The following PCLO variants were observed in gnomAD, a reference collection of about 807,000 sequenced individuals.
The protein encoded by PCLO is piccolo presynaptic cytomatrix protein.
A neutral mutation model predicts 427.5 loss-of-function variants in PCLO; 82 were observed. That is an observed-to-expected ratio of 0.19 (90% confidence interval 0.16 to 0.23). PCLO has a LOEUF of 0.23. Among genes scored for constraint, PCLO ranks in the 10% least tolerant of loss-of-function variants. The pLI, the probability that PCLO is intolerant of heterozygous loss-of-function variation, is 1.00. For synonymous variants in PCLO, 2,357 were observed against 2,155.4 expected, an observed-to-expected ratio of 1.09 and a Z score of -2.59; for missense variants, 6,239 against 6,115.9, an observed-to-expected ratio of 1.02 and a Z score of -0.67.
At chr7:82,857,242 A>G (rs1792831744) in intron 10 of PCLO, among the ~76,000 whole-genome samples, 1 of 152,170 alleles carries the variant, frequency 6.6e-6, no homozygotes, top group African/African-American at 2.4e-5. Flanking sequence ...TACTATATGG[A>G]TTGTGTAGAA....
rs770952145 is a variant in PCLO, at chr7:82,953,356, G to A, written c.7597C>T (p.Pro2533Ser). The change falls in exon 5 of 25, where the codon CCA (proline) becomes TCA (serine). Residue 2533 changes from proline to serine, a missense_variant. Physicochemically the swap from Pro to Ser is moderately conservative, Grantham distance 74. Transcript: ENST00000333891. Reference protein sequence around the residue: ...TQKPTDIHPKPTGLSLTSSMT... With the variant: ...TQKPTDIHPKSTGLSLTSSMT... ...CTTGAAGTTAAAGATAGGCCTGTTG[G>A]TTTGGGGTGTATATCTGTTGGTTTT... 6.2e-6 allele frequency: 10 copies of A among 1,613,714 alleles called. No individual in the cohort carries two copies. Among genetic ancestry groups the A allele is most frequent in the African/African-American group, 1.3e-5 (1 of 74,876 alleles).
chr7:82,838,411 T>C (rs1475403625), intron 14 of PCLO, 69 bp from the exon 15 acceptor site: 4 of 905,148 alleles, frequency 4.4e-6, no homozygotes, highest in Non-Finnish European at 6.3e-6. Flanking sequence ...CAATATTTAC[T>C]AGTTTTTTTT....
chr7:82,781,264 A>G (rs1790866288), intron 22 of PCLO, among the ~76,000 whole-genome samples: 2 of 151,984 alleles, frequency 1.3e-5, no homozygotes, highest in South Asian at 2.1e-4. Flanking sequence ...ATTATGACTT[A>G]CAATATAAAG....
intron 3 of PCLO, among the ~76,000 whole-genome samples, chr7:83,052,563 A>T (rs1283751078): frequency 6.6e-6 from 1 of 151,970 alleles, no homozygotes; most frequent in Non-Finnish European, 1.5e-5. Flanking sequence ...TAGTGTCTCA[A>T]ATTATTTTAT....
intron 20 of PCLO, chr7:82,821,558 A>C: frequency 8.2e-6 from 8 of 976,768 alleles, no homozygotes; most frequent in Non-Finnish European, 9.7e-6. Flanking sequence ...GGGTACCTAC[A>C]TTTGTGAAAT....
chr7:83,086,934 T>C (rs1316413092), intron 3 of PCLO, among the ~76,000 whole-genome samples: 2 of 151,644 alleles, frequency 1.3e-5, no homozygotes, highest in African/African-American at 2.4e-5. Context: ...TGGATGAAGG[T>C]GGAAACCATC....
intron 3 of PCLO, among the ~76,000 whole-genome samples, chr7:83,053,279 T>C (rs992725313): frequency 3.6e-5 from 5 of 139,270 alleles, no homozygotes; most frequent in African/African-American, 1.0e-4. Flanking sequence ...GCTGCTCTTA[T>C]AAATAATATG....
chr7:82,895,342 T>C (rs1178396503), intron 9 of PCLO, among the ~76,000 whole-genome samples: 1 of 151,952 alleles, frequency 6.6e-6, no homozygotes, highest in African/African-American at 2.4e-5. Context: ...GGAAAATACA[T>C]AGTTTTAAAT....
chr7:83,001,505 A>AACACCCAC (rs10643233), intron 3 of PCLO, among the ~76,000 whole-genome samples: 42 of 149,148 alleles, frequency 2.8e-4, no homozygotes, highest in African/African-American at 8.3e-4. Flanking sequence ...CACACATACA[A>AACACCCAC]ACACACACAC....
rs78556922 is a variant in PCLO at position 82,821,656 on chromosome 7, A to G, written c.14791+839T>C. On this transcript the variant is annotated intron_variant, in intron 20 of 24. Coordinates refer to ENST00000333891, the MANE Select transcript of PCLO (RefSeq NM_033026.6). The stretch of plus-strand genomic sequence containing the variant: ...AAAATACAGCAGTTAAGATAGGTCA[A>G]TTGTTATACTTTGATTGACTTATAG... The G allele has an allele frequency of 1.6e-3, 1,507 of 971,898 alleles. 12 individuals carry two copies. The African/African-American group carries it at 0.024, about 16-fold the overall frequency. 60.2% of individuals were successfully genotyped at this position (971,898 alleles called of 1,614,324 possible). A position where few individuals can be genotyped will look rare whatever the true frequency, so the allele number is the denominator to read the frequency against.
chr7:82,934,554 C>A (rs1434743521), intron 6 of PCLO, among the ~76,000 whole-genome samples: 1 of 151,636 alleles, frequency 6.6e-6, no homozygotes, highest in Non-Finnish European at 1.5e-5. Context: ...GACTGCTTGA[C>A]AAGTATGTGT....
In PCLO at chr7:82,936,834, T is replaced by C. The variant is rs552907046; in HGVS notation, c.11112+12642A>G. ...TCAACTATTTAAAGAAATAAAGTACTGATACTTGCTACAAAGTAGATGAAC... is the reference window on the plus strand; with the variant it reads ...TCAACTATTTAAAGAAATAAAGTACCGATACTTGCTACAAAGTAGATGAAC... On this transcript the variant is annotated intron_variant, in intron 6 of 24. Transcript: ENST00000333891. Among the ~76,000 whole-genome samples the C allele has an allele frequency of 1.5e-3, 234 of 151,840 alleles. 1 individual carries two copies. The highest frequency in any genetic ancestry group is 5.2e-3 in the African/African-American group (218 of 41,528).
intron 3 of PCLO, among the ~76,000 whole-genome samples, chr7:83,082,067 A>G (rs1437978681): frequency 6.6e-6 from 1 of 151,530 alleles, no homozygotes; most frequent in African/African-American, 2.4e-5. Context: ...TTAAGGTAGT[A>G]ATTTCCTAAG....
At chr7:83,148,742 G>A (rs150323419) in intron 2 of PCLO, among the ~76,000 whole-genome samples, 13 of 148,904 alleles carry the variant, frequency 8.7e-5, no homozygotes, top group South Asian at 2.1e-4. Context: ...TGTTATTTTT[G>A]TTATTGTTTC....
At chr7:83,010,915 G>A (rs1386696693) in intron 3 of PCLO, among the ~76,000 whole-genome samples, 1 of 151,914 alleles carries the variant, frequency 6.6e-6, no homozygotes, top group Non-Finnish European at 1.5e-5. Context: ...CGACCCATAT[G>A]AATACCTGTC....
chr7:82,961,065 A>C (rs2115618688), intron 4 of PCLO, among the ~76,000 whole-genome samples: 1 of 152,298 alleles, frequency 6.6e-6, no homozygotes, highest in South Asian at 2.1e-4. Flanking sequence ...TCATAATATT[A>C]ACCTTATCAA....
intron 10 of PCLO, 97 bp downstream of exon 10, chr7:82,879,240 C>T: frequency 1.9e-6 from 2 of 1,065,522 alleles, no homozygotes; most frequent in Non-Finnish European, 2.6e-6. Context: ...AGAGGTTTAC[C>T]TACACAGAGA....
chr7:83,111,196 C>A (rs1476928874), intron 3 of PCLO, among the ~76,000 whole-genome samples: 1 of 152,152 alleles, frequency 6.6e-6, no homozygotes, highest in South Asian at 2.1e-4. Context: ...TTATTTTATT[C>A]AATTCAATCA....
intron 3 of PCLO, among the ~76,000 whole-genome samples, chr7:82,997,213 T>C (rs1787644810): frequency 6.6e-6 from 1 of 151,904 alleles, no homozygotes; most frequent in African/African-American, 2.4e-5. Flanking sequence ...ATCCCTGCCA[T>C]GGTACCATTA....
Sources: gnomAD v4.1 joint callset for allele counts (sites outside exome capture counted in the v4.1 genomes callset) on GRCh38, gnomAD v4.1.1 for gene constraint, MANE v1.5 for transcripts, NCBI Gene and HGNC (gene_info 2026-07-23, HGNC 2026-07-21) for gene names.